Variants in LIFR observed in about 807,000 individuals in gnomAD.
LIFR encodes LIF receptor subunit alpha.
In LIFR, 84 loss-of-function variants were observed where a neutral mutation model predicts 122.2. The observed-to-expected ratio is 0.69, with a 90% confidence interval of 0.58 to 0.82. LIFR has a LOEUF of 0.82. Among genes scored for constraint, LIFR ranks in the 40% least tolerant of loss-of-function variants. The probability of loss-of-function intolerance (pLI) is 0.00; values close to 1 mark genes in which losing one functional copy is unlikely to be tolerated. For synonymous variants in LIFR, 422 were observed against 434.7 expected, an observed-to-expected ratio of 0.97 and a Z score of 0.36; for missense variants, 1,294 against 1,311.6, an observed-to-expected ratio of 0.99 and a Z score of 0.21.
intron 18 of LIFR, among the ~76,000 whole-genome samples, chr5:38,484,338 G>C: frequency 6.6e-6 from 1 of 152,164 alleles, no homozygotes; most frequent in East Asian, 1.9e-4. Context: ...CTTGTTTTGT[G>C]CACCACGATA....
Position 38,549,205 on chromosome 5 carries a change from G to A in LIFR, c.-20+7129C>T, listed in dbSNP as rs115672531. 6.6e-3 allele frequency among the ~76,000 whole-genome samples: 989 copies of A among 150,742 alleles called. 5 individuals are homozygous for A. The highest frequency in any genetic ancestry group is 9.7e-3 in the Non-Finnish European group (659 of 67,824). On this transcript the variant is annotated intron_variant, in intron 1 of 19. Coordinates refer to ENST00000453190, the MANE Select transcript of LIFR (RefSeq NM_001127671.2). The stretch of plus-strand genomic sequence containing the variant: ...TGAAAGACAGTATCACCTAACATTC[G>A]GCCTATAGTCTTCCTGGCATTTTAC...
rs756898901 is a variant in LIFR at position 38,478,388 on chromosome 5, T to A, written c.*3207A>T. 2 of 208,856 alleles carry A rather than the reference T, an allele frequency of 9.6e-6. No homozygotes were observed. The highest frequency in any genetic ancestry group is 2.0e-5 in the Non-Finnish European group (2 of 102,304). The allele number at this position is 208,856 out of a possible 1,614,324, so 12.9% of individuals were successfully genotyped here. A position where few individuals can be genotyped will look rare whatever the true frequency, so the allele number is the denominator to read the frequency against. ...GCTTCTCAGTGAATGGCTGCTTCTG[T>A]TTCTAAGCTGCAGGAACAAAGCACC... On this transcript the variant is annotated 3_prime_UTR_variant, in exon 20 of 20. Coordinates refer to ENST00000453190, the MANE Select transcript of LIFR (RefSeq NM_001127671.2).
At chr5:38,539,028 T>G (rs907237575) in intron 1 of LIFR, among the ~76,000 whole-genome samples, 6 of 152,126 alleles carry the variant, frequency 3.9e-5, no homozygotes, top group Non-Finnish European at 7.4e-5. Flanking sequence ...TGGCGCGATC[T>G]CGGCTCACTG....
intron 9 of LIFR, among the ~76,000 whole-genome samples, chr5:38,505,144 T>C (rs1365619353): frequency 1.4e-5 from 2 of 144,128 alleles, no homozygotes; most frequent in Admixed American, 7.0e-5. Flanking sequence ...TACAACAACA[T>C]GGATGGCTCT....
chr5:38,534,393 G>C (rs1396580171), intron 1 of LIFR, among the ~76,000 whole-genome samples: 2 of 152,202 alleles, frequency 1.3e-5, no homozygotes, highest in African/African-American at 4.8e-5. Flanking sequence ...AGACTGAGAA[G>C]TTCTATCTGG....
chr5:38,550,308 C>T, intron 1 of LIFR: 1 of 772,772 alleles, frequency 1.3e-6, no homozygotes, highest in African/African-American at 1.9e-5. Flanking sequence ...GAAAAAAAAA[C>T]AGGGAAAAAT....
chr5:38,571,473 T>C (rs1304848424), intron 1 of LIFR, among the ~76,000 whole-genome samples: 2 of 137,826 alleles, frequency 1.5e-5, no homozygotes, highest in African/African-American at 5.5e-5. Flanking sequence ...GAGAGTCACC[T>C]GAATCCGGGA....
chr5:38,534,101 G>A (rs180687253), intron 1 of LIFR, among the ~76,000 whole-genome samples: 18 of 152,290 alleles, frequency 1.2e-4, no homozygotes, highest in African/African-American at 4.1e-4. Flanking sequence ...GCAGTAAACA[G>A]TACCCGCACT....
In LIFR at chr5:38,479,700, A is replaced by C. The variant is rs1195957658; in HGVS notation, c.*1895T>G. 1.3e-5 allele frequency: 3 copies of C among 231,550 alleles called. No individual in the cohort carries two copies. Among genetic ancestry groups the C allele is most frequent in the African/African-American group, 6.6e-5 (3 of 45,270 alleles). The allele number at this position is 231,550 out of a possible 1,614,324, so 14.3% of individuals were successfully genotyped here. ...GGGCAAGCAGACAATGCTAACAGCA[A>C]GCTTTGGCAGGGAGAGAAGGCAGCC... is the stretch of plus-strand genomic sequence containing the variant. On this transcript the variant is annotated 3_prime_UTR_variant, in exon 20 of 20. Transcript: ENST00000453190.
intron 5 of LIFR, among the ~76,000 whole-genome samples, chr5:38,522,101 T>G (rs1443189760): frequency 6.6e-6 from 1 of 152,140 alleles, no homozygotes; most frequent in Non-Finnish European, 1.5e-5. Flanking sequence ...GAGGAAGAGA[T>G]TGCTTTCAAT....
intron 9 of LIFR, 72 bp downstream of exon 9, chr5:38,505,833 T>C: frequency 2.1e-6 from 2 of 964,532 alleles, no homozygotes; most frequent in South Asian, 1.8e-5. Flanking sequence ...GTAATCCCTA[T>C]AAGCATTTTT....
At chr5:38,589,170 A>ATT (rs543957643) in intron 1 of LIFR, among the ~76,000 whole-genome samples, 9 of 146,180 alleles carry the variant, frequency 6.2e-5, no homozygotes, top group African/African-American at 2.3e-4. Context: ...GCTAATTTTT[A>ATT]TTTTTTTTTT....
chr5:38,528,893 C>G lies in LIFR; in HGVS notation c.143-53G>C, dbSNP rs556618729. ...ACACACACACAGACACACATAAACA[C>G]AGAATATGCTGAATAAGTCAACTGC... On this transcript the variant is annotated intron_variant, in intron 2 of 19. Coordinates refer to ENST00000453190, the MANE Select transcript of LIFR (RefSeq NM_001127671.2). The G allele has an allele frequency of 5.8e-6, 6 of 1,034,024 alleles. No homozygotes were observed. The South Asian group carries it at 6.8e-5, about 12-fold the overall frequency. The allele number at this position is 1,034,024 out of a possible 1,614,324, so 64.1% of individuals were successfully genotyped here. A position where few individuals can be genotyped will look rare whatever the true frequency, so the allele number is the denominator to read the frequency against.
rs762570405 is a variant in LIFR, at chr5:38,510,669, A to T, written c.786T>A (p.Leu262=). Residue 262 remains leucine, a synonymous_variant, in exon 7 of 20, where the codon CTT becomes CTA. Transcript: ENST00000453190. ...AACAAAATGTTATGTCTGAGCCTAC[A>T]AGTATCACTTTATCTTGAGGAAAAA... is the stretch of plus-strand genomic sequence containing the variant. The part of the protein sequence containing the change: ...TKVFPQDKVI[L]VGSDITFCCV... 6.2e-7 allele frequency: 1 copy of T among 1,613,788 alleles called. No homozygotes were observed. Among genetic ancestry groups the T allele is most frequent in the Non-Finnish European group, 8.5e-7 (1 of 1,179,742 alleles).
intron 5 of LIFR, 113 bp from the exon 6 acceptor site, chr5:38,512,077 T>C (rs978975004): frequency 2.9e-5 from 31 of 1,068,168 alleles, no homozygotes; most frequent in Non-Finnish European, 4.2e-5. Flanking sequence ...AGTTTATGTT[T>C]TGTCCTTTAA....
chr5:38,523,592 G>C lies in LIFR; in HGVS notation c.398-10C>G, dbSNP rs2112545448. ...GTATCTGGAATTAAGGCTTTAAAAA[G>C]AGGAAACAAAAGAGAAAACTTAGTA... is the stretch of plus-strand genomic sequence containing the variant. On this transcript the variant is annotated splice_polypyrimidine_tract_variant and intron_variant, in intron 4 of 19. Transcript: ENST00000453190. The C allele has an allele frequency of 1.9e-6, 3 of 1,608,116 alleles. No individual in the cohort carries two copies. The highest frequency in any genetic ancestry group is 1.1e-5 in the South Asian group (1 of 90,736).
At chr5:38,490,425 T>A in intron 14 of LIFR, 134 bp from the exon 15 acceptor site, 1 of 456,476 alleles carries the variant, frequency 2.2e-6, no homozygotes, top group Non-Finnish European at 3.9e-6. Flanking sequence ...AAAAAATACA[T>A]ATATATTTTA....
intron 1 of LIFR, among the ~76,000 whole-genome samples, chr5:38,591,443 A>T (rs1899941): frequency 0.47 from 71,266 of 152,106 alleles, 17,981 homozygotes; most frequent in African/African-American, 0.66. Flanking sequence ...ATGGGCATGC[A>T]GGCAAGAGGT....
intron 1 of LIFR, among the ~76,000 whole-genome samples, chr5:38,540,591 G>A (rs904136250): frequency 1.3e-5 from 2 of 152,166 alleles, no homozygotes; most frequent in Non-Finnish European, 2.9e-5. Context: ...CATGACACAG[G>A]CTGGCGGGCA....
Sources: gnomAD v4.1 joint callset for allele counts (sites outside exome capture counted in the v4.1 genomes callset) on GRCh38, gnomAD v4.1.1 for gene constraint, MANE v1.5 for transcripts, NCBI Gene and HGNC (gene_info 2026-07-23, HGNC 2026-07-21) for gene names.